The following PLCH1 variants were observed in gnomAD, a reference collection of about 807,000 sequenced individuals.
The protein encoded by PLCH1 is 1-phosphatidylinositol 4,5-bisphosphate phosphodiesterase eta-1.
In PLCH1, 60 loss-of-function variants were observed where a neutral mutation model predicts 126.7. The ratio of observed to expected loss-of-function variants is 0.47; its 90% CI spans 0.38 to 0.59. PLCH1 has a LOEUF of 0.59. Ranked by LOEUF, PLCH1 falls within the 20% of genes least tolerant of loss-of-function variation. The pLI is 0.00. For missense variants in PLCH1, 1,723 were observed against 2,040.0 expected, an observed-to-expected ratio of 0.84 and a Z score of 2.99; for synonymous variants, 719 against 734.9, an observed-to-expected ratio of 0.98 and a Z score of 0.35.
At chr3:155,571,928 A>T (rs2108544823) in intron 6 of PLCH1, among the ~76,000 whole-genome samples, 1 of 152,338 alleles carries the variant, frequency 6.6e-6, no homozygotes. Context: ...AACAATGCTG[A>T]ATCCGTTGTA....
chr3:155,715,355 G>C (rs1747426501), intron 1 of PLCH1, among the ~76,000 whole-genome samples: 3 of 151,850 alleles, frequency 2.0e-5, no homozygotes, highest in Non-Finnish European at 2.9e-5. Flanking sequence ...AAGCTGGTGG[G>C]CAGTGTCACA....
downstream of PLCH1, among the ~76,000 whole-genome samples, chr3:155,476,372 T>C (rs1326534257): frequency 3.3e-5 from 5 of 152,114 alleles, no homozygotes; most frequent in Admixed American, 6.6e-5. Flanking sequence ...GCCTTTCCTC[T>C]AAGATCTGGA....
At chr3:155,567,238 AATTTTTGT>A (rs943828090) in intron 7 of PLCH1, among the ~76,000 whole-genome samples, 16 of 151,948 alleles carry the variant, frequency 1.1e-4, no homozygotes, top group African/African-American at 3.9e-4. Context: ...ATGCCCAGCT[AATTTTTGT>A]ATTTTTAGTA....
intron 21 of PLCH1, among the ~76,000 whole-genome samples, chr3:155,456,479 C>CTT (rs1475105007): frequency 6.6e-6 from 1 of 152,190 alleles, no homozygotes; most frequent in Non-Finnish European, 1.5e-5. Flanking sequence ...CCCAAATCCT[C>CTT]TTTTCTGCTC....
intron 10 of PLCH1, among the ~76,000 whole-genome samples, chr3:155,534,646 G>A (rs539661390): frequency 1.3e-5 from 2 of 152,294 alleles, no homozygotes; most frequent in East Asian, 3.9e-4. Flanking sequence ...AGAATGATAT[G>A]GTTTGGCTGT....
At chr3:155,584,407 C>T (rs1201004492) in intron 5 of PLCH1, among the ~76,000 whole-genome samples, 1 of 152,210 alleles carries the variant, frequency 6.6e-6, no homozygotes, top group Non-Finnish European at 1.5e-5. Context: ...CTTGGTAACT[C>T]CCTGCTTTCC....
chr3:155,588,135 A>G (rs1399630567), intron 4 of PLCH1, among the ~76,000 whole-genome samples: 1 of 152,230 alleles, frequency 6.6e-6, no homozygotes, highest in African/African-American at 2.4e-5. Context: ...TATGTCTTCT[A>G]AAATTAAGTA....
chr3:155,552,650 G>C (rs1483045557), intron 9 of PLCH1, among the ~76,000 whole-genome samples: 1 of 152,146 alleles, frequency 6.6e-6, no homozygotes, highest in Non-Finnish European at 1.5e-5. Context: ...AATCTCTGTG[G>C]AATAATGGTG....
At chr3:155,537,935 G>A (rs1425814323) in intron 10 of PLCH1, among the ~76,000 whole-genome samples, 1 of 151,972 alleles carries the variant, frequency 6.6e-6, no homozygotes, top group Admixed American at 6.6e-5. Context: ...CCCAACAACT[G>A]CAGAATATAT....
At chr3:155,579,792 T>C (rs187476246) in intron 6 of PLCH1, among the ~76,000 whole-genome samples, 174 of 152,252 alleles carry the variant, frequency 1.1e-3, no homozygotes, top group African/African-American at 4.1e-3. Context: ...TTAAATAGAA[T>C]AGATATCCAC....
At chr3:155,726,857 G>A (rs369778988) in intron 1 of PLCH1, among the ~76,000 whole-genome samples, 49 of 150,042 alleles carry the variant, frequency 3.3e-4, no homozygotes, top group East Asian at 2.7e-3. Flanking sequence ...CATCCCACCC[G>A]GCTAATTTTT....
intron 1 of PLCH1, among the ~76,000 whole-genome samples, chr3:155,713,381 C>CT (rs1323462921): frequency 6.6e-6 from 1 of 152,178 alleles, no homozygotes; most frequent in African/African-American, 2.4e-5. Context: ...AGTGTCACTC[C>CT]TTTGGGTATA....
chr3:155,561,870 C>T (rs1484378328), intron 8 of PLCH1, among the ~76,000 whole-genome samples: 1 of 152,170 alleles, frequency 6.6e-6, no homozygotes, highest in African/African-American at 2.4e-5. Context: ...CAACCTCTGC[C>T]TCCTGGGTTC....
chr3:155,603,151 CAA>C (rs766671212), intron 2 of PLCH1, among the ~76,000 whole-genome samples: 1 of 108,612 alleles, frequency 9.2e-6, no homozygotes, highest in Admixed American at 9.5e-5. Flanking sequence ...ACAACAACAA[CAA>C]AAAAAAAAGT....
intron 21 of PLCH1, among the ~76,000 whole-genome samples, chr3:155,458,338 T>A (rs773628587): frequency 2.0e-4 from 6 of 30,148 alleles, no homozygotes. Context: ...CAAGACTCCA[T>A]GTCAAAAAAA....
intron 2 of PLCH1, among the ~76,000 whole-genome samples, chr3:155,678,567 G>C (rs183661467): frequency 2.2e-4 from 34 of 152,286 alleles, no homozygotes; most frequent in African/African-American, 8.2e-4. Context: ...CTATCCTGAA[G>C]TTGGCAGAGA....
At chr3:155,638,002 CAT>C (rs754629517) in intron 2 of PLCH1, among the ~76,000 whole-genome samples, 8 of 152,206 alleles carry the variant, frequency 5.3e-5, no homozygotes, top group Non-Finnish European at 8.8e-5. Context: ...ACGATCTGCA[CAT>C]GTTTACCGTC....
chr3:155,580,930 T>C (rs528165752), intron 6 of PLCH1, among the ~76,000 whole-genome samples: 8 of 152,288 alleles, frequency 5.3e-5, no homozygotes, highest in Admixed American at 4.6e-4. Flanking sequence ...TTTTGTCCAC[T>C]ACAAAAACTT....
rs142544326 is a variant in PLCH1 at position 155,552,399 on chromosome 3, G to T, written c.1190+1677C>A. Among the ~76,000 whole-genome samples, 26 of 152,318 alleles carry T rather than the reference G, an allele frequency of 1.7e-4. No individual in the cohort carries two copies. In the Middle Eastern group the frequency reaches 0.01, roughly 60 times the overall value. ...GCTATATGATATGACAGAAATATGT[G>T]CAGGGTGCTAAATACAGAGAAAATA... On this transcript the variant is annotated intron_variant, in intron 9 of 22. Transcript: ENST00000460012.
Sources: allele counts gnomAD v4.1 joint callset (sites outside exome capture counted in the v4.1 genomes callset), GRCh38; gene constraint gnomAD v4.1.1; transcripts MANE v1.5; gene names NCBI Gene and HGNC (gene_info 2026-07-23, HGNC 2026-07-21).